Variants in ADGRA3 observed in about 807,000 individuals in gnomAD.
ADGRA3 encodes the protein adhesion G protein-coupled receptor A3.
In ADGRA3, 56 loss-of-function variants were observed where a neutral mutation model predicts 119.8. The ratio of observed to expected loss-of-function variants is 0.47; its 90% CI spans 0.38 to 0.58. ADGRA3 has a LOEUF of 0.58. ADGRA3 is among the 20% of genes least tolerant of loss of function. The pLI is 0.00. For synonymous variants in ADGRA3, 607 were observed against 623.8 expected, an observed-to-expected ratio of 0.97 and a Z score of 0.40; for missense variants, 1,516 against 1,649.0, an observed-to-expected ratio of 0.92 and a Z score of 1.40.
chr4:22,475,559 C>T (rs1199811969), intron 1 of ADGRA3, among the ~76,000 whole-genome samples: 1 of 152,006 alleles, frequency 6.6e-6, no homozygotes, highest in Non-Finnish European at 1.5e-5. Context: ...AACCCCGTCT[C>T]CACTAAATAT....
intron 1 of ADGRA3, among the ~76,000 whole-genome samples, chr4:22,513,865 A>AC (rs1577394816): frequency 1.3e-5 from 2 of 151,296 alleles, no homozygotes; most frequent in South Asian, 2.1e-4. Context: ...AAAAAAAAAA[A>AC]AAAAAAAAAC....
rs756038352 is a variant in ADGRA3, at chr4:22,442,915, A to G, written c.707-52T>C. The G allele has an allele frequency of 1.1e-5, 14 of 1,333,086 alleles. No homozygotes were observed. In the Admixed American group the frequency reaches 1.9e-4, roughly 18 times the overall value. 82.6% of individuals were successfully genotyped at this position (1,333,086 alleles called of 1,614,324 possible). ...TAAACAAATATAATTTCCAAACACC[A>G]TAATTAAAAGTTACAGAAATTCTAG... On this transcript the variant is annotated intron_variant, in intron 6 of 18. Transcript: ENST00000334304.
chr4:22,503,175 T>G (rs1435703103), intron 1 of ADGRA3, among the ~76,000 whole-genome samples: 1 of 152,180 alleles, frequency 6.6e-6, no homozygotes, highest in Non-Finnish European at 1.5e-5. Context: ...GGAAAGACTT[T>G]AGAATTCTAA....
At chr4:22,448,008 G>C (rs1303566505) in intron 4 of ADGRA3, among the ~76,000 whole-genome samples, 1 of 152,156 alleles carries the variant, frequency 6.6e-6, no homozygotes, top group Non-Finnish European at 1.5e-5. Flanking sequence ...TAAAATGAGA[G>C]ACTGGGGATA....
At chr4:22,401,808 C>A (rs930365126) in intron 15 of ADGRA3, among the ~76,000 whole-genome samples, 2 of 152,084 alleles carry the variant, frequency 1.3e-5, no homozygotes, top group Non-Finnish European at 2.9e-5. Flanking sequence ...AGAACCACTG[C>A]ACCCACTAAA....
intron 1 of ADGRA3, among the ~76,000 whole-genome samples, chr4:22,505,678 C>T (rs1338656626): frequency 1.3e-5 from 2 of 151,566 alleles, no homozygotes; most frequent in Admixed American, 6.6e-5. Flanking sequence ...TCTAAAATTC[C>T]ACGGTTATCC....
At chr4:22,494,183 C>A (rs1252981422) in intron 1 of ADGRA3, among the ~76,000 whole-genome samples, 1 of 148,756 alleles carries the variant, frequency 6.7e-6, no homozygotes, top group African/African-American at 2.5e-5. Flanking sequence ...CCAGCCTGGG[C>A]GACAGAGCAA....
At chr4:22,399,443 G>T in intron 16 of ADGRA3, among the ~76,000 whole-genome samples, 1 of 150,714 alleles carries the variant, frequency 6.6e-6, no homozygotes. Flanking sequence ...TTTTTTAAAG[G>T]GTTTTAAGAT....
At chr4:22,496,897 T>C (rs527611949) in intron 1 of ADGRA3, among the ~76,000 whole-genome samples, 2 of 152,334 alleles carry the variant, frequency 1.3e-5, no homozygotes, top group Admixed American at 6.5e-5. Context: ...TGACAGATCA[T>C]TATTCAGTCC....
chr4:22,475,654 G>A (rs534853204), intron 1 of ADGRA3, among the ~76,000 whole-genome samples: 3 of 152,068 alleles, frequency 2.0e-5, no homozygotes, highest in Admixed American at 6.6e-5. Flanking sequence ...GTGAACCCAG[G>A]GGGTGGAGCT....
At chr4:22,497,913 C>T (rs1401236281) in intron 1 of ADGRA3, among the ~76,000 whole-genome samples, 1 of 149,010 alleles carries the variant, frequency 6.7e-6, no homozygotes, top group Admixed American at 6.8e-5. Context: ...CACTTCACTC[C>T]AGCCTGGGCA....
At chr4:22,511,791 G>T (rs1283949601) in intron 1 of ADGRA3, among the ~76,000 whole-genome samples, 14 of 151,534 alleles carry the variant, frequency 9.2e-5, no homozygotes, top group Admixed American at 9.2e-4. Context: ...ACCAGATACT[G>T]TCCTCTCCAA....
At chr4:22,484,972 G>A (rs1481575402) in intron 1 of ADGRA3, among the ~76,000 whole-genome samples, 1 of 151,628 alleles carries the variant, frequency 6.6e-6, no homozygotes, top group Non-Finnish European at 1.5e-5. Context: ...TCTTAATAAC[G>A]TTCTGCTTTG....
intron 2 of ADGRA3, among the ~76,000 whole-genome samples, chr4:22,466,347 A>G (rs1717656642): frequency 6.6e-6 from 1 of 152,066 alleles, no homozygotes; most frequent in African/African-American, 2.4e-5. Flanking sequence ...ACGCATCTCA[A>G]TCTCCAACTC....
At chr4:22,398,640 T>A (rs1055346260) in intron 16 of ADGRA3, among the ~76,000 whole-genome samples, 1 of 151,222 alleles carries the variant, frequency 6.6e-6, no homozygotes, top group South Asian at 2.1e-4. Flanking sequence ...TTACCTTTAT[T>A]AAAAAAAAAC....
intron 3 of ADGRA3, among the ~76,000 whole-genome samples, chr4:22,456,828 G>A (rs1310864010): frequency 6.6e-6 from 1 of 152,114 alleles, no homozygotes; most frequent in African/African-American, 2.4e-5. Context: ...CCTTCCCTCT[G>A]TTATGGCAAC....
In ADGRA3 at chr4:22,468,422, C is replaced by T. The variant is rs535168816; in HGVS notation, c.329+5350G>A. On this transcript the variant is annotated intron_variant, in intron 2 of 18. Transcript: ENST00000334304. The stretch of plus-strand genomic sequence containing the variant: ...TATGGGGGAGGTATGTCACTAAATA[C>T]TGGTAACAAAATATATAGCACAATA... Among the ~76,000 whole-genome samples the T allele has an allele frequency of 1.6e-4, 25 of 152,224 alleles. No homozygotes were observed. The South Asian group carries it at 5.2e-3, about 32-fold the overall frequency.
intron 1 of ADGRA3, among the ~76,000 whole-genome samples, chr4:22,483,084 T>C (rs924141687): frequency 2.0e-5 from 3 of 152,214 alleles, no homozygotes; most frequent in Non-Finnish European, 4.4e-5. Context: ...GCCTTCCTCA[T>C]AGCTGTGACA....
chr4:22,466,665 G>T (rs866201598), intron 2 of ADGRA3, among the ~76,000 whole-genome samples: 3 of 150,822 alleles, frequency 2.0e-5, no homozygotes, highest in Admixed American at 2.0e-4. Context: ...GCAGTGCCGA[G>T]ATCACACCAC....
Sources: gnomAD v4.1 joint callset for allele counts (sites outside exome capture counted in the v4.1 genomes callset) on GRCh38, gnomAD v4.1.1 for gene constraint, MANE v1.5 for transcripts, NCBI Gene and HGNC (gene_info 2026-07-23, HGNC 2026-07-21) for gene names.